The following ARHGEF28 variants were observed in gnomAD, a reference collection of about 807,000 sequenced individuals.
ARHGEF28 encodes the protein Rho guanine nucleotide exchange factor 28.
Under a neutral mutation model 206.6 loss-of-function variants are expected in ARHGEF28, and 152 were observed. The ratio of observed to expected loss-of-function variants is 0.74; its 90% confidence interval spans 0.64 to 0.84. ARHGEF28 has a LOEUF of 0.84. Among genes scored for constraint, ARHGEF28 ranks in the 40% least tolerant of loss-of-function variants. The pLI, the probability that ARHGEF28 is intolerant of heterozygous loss-of-function variation, is 0.00. For missense variants in ARHGEF28, 2,028 were observed against 2,073.2 expected, an observed-to-expected ratio of 0.98 and a Z score of 0.42; for synonymous variants, 763 against 776.4, an observed-to-expected ratio of 0.98 and a Z score of 0.29.
At chr5:73,664,040 C>T (rs931299904) in intron 1 of ARHGEF28, among the ~76,000 whole-genome samples, 3 of 152,186 alleles carry the variant, frequency 2.0e-5, no homozygotes, top group Admixed American at 6.5e-5. Context: ...GTCCTTTTCC[C>T]AGTGCAGGCT....
intron 9 of ARHGEF28, among the ~76,000 whole-genome samples, chr5:73,812,867 T>C (rs1561422075): frequency 6.6e-6 from 1 of 152,126 alleles, no homozygotes; most frequent in Non-Finnish European, 1.5e-5. Context: ...TCTAATGAAA[T>C]GAGTACAATC....
At chr5:73,655,879 G>A (rs1456851247) in intron 1 of ARHGEF28, among the ~76,000 whole-genome samples, 1 of 152,194 alleles carries the variant, frequency 6.6e-6, no homozygotes, top group South Asian at 2.1e-4. Context: ...TAAAAGGGAA[G>A]AGTTTGGGGG....
intron 1 of ARHGEF28, among the ~76,000 whole-genome samples, chr5:73,634,130 C>T (rs1743547753): frequency 6.6e-6 from 1 of 152,014 alleles, no homozygotes; most frequent in Admixed American, 6.6e-5. Context: ...CTCAAGGTAT[C>T]CATAGGTTTG....
chr5:73,671,694 TTATATATATATATATATATATATATA>T (rs1182569252), intron 1 of ARHGEF28, among the ~76,000 whole-genome samples: 2,426 of 75,904 alleles, frequency 0.032, 93 homozygotes, highest in East Asian at 0.054. Context: ...TTGAACTTGA[TTATATATATATATATATATATATATA>T]TATATATATA....
intron 1 of ARHGEF28, among the ~76,000 whole-genome samples, chr5:73,658,955 A>G (rs1461825796): frequency 1.6e-5 from 2 of 128,960 alleles, no homozygotes; most frequent in Non-Finnish European, 3.2e-5. Flanking sequence ...TCTGTGATGC[A>G]TGCAGGTACA....
At chr5:73,630,226 T>A (rs1743277572) in intron 1 of ARHGEF28, among the ~76,000 whole-genome samples, 1 of 152,246 alleles carries the variant, frequency 6.6e-6, no homozygotes, top group Non-Finnish European at 1.5e-5. Context: ...TATCAAACAC[T>A]AGTGACCATG....
intron 35 of ARHGEF28, among the ~76,000 whole-genome samples, chr5:73,933,199 C>T (rs1466336653): frequency 1.3e-5 from 2 of 152,048 alleles, no homozygotes; most frequent in South Asian, 2.1e-4. Context: ...TCCAAGAAAA[C>T]GTTAACTCAT....
At chr5:73,729,056 G>A (rs16870747) in intron 2 of ARHGEF28, among the ~76,000 whole-genome samples, 37,391 of 152,092 alleles carry the variant, frequency 0.25, 5,068 homozygotes, top group African/African-American at 0.34. Context: ...GCAATTCTTG[G>A]CTTCAAGGGA....
chr5:73,627,555 C>T (rs1024242075), intron 1 of ARHGEF28, among the ~76,000 whole-genome samples: 2 of 152,206 alleles, frequency 1.3e-5, no homozygotes, highest in East Asian at 3.8e-4. Flanking sequence ...TTTTTAGTTA[C>T]ACATTCCTAA....
In ARHGEF28 at chr5:73,749,841, A is replaced by G. The variant is rs1440711461; in HGVS notation, c.38A>G (p.Gln13Arg). 11 of 1,613,960 alleles carry G rather than the reference A, an allele frequency of 6.8e-6. No homozygotes were observed. In the East Asian group the frequency reaches 2.2e-4, roughly 33 times the overall value. Residue 13 changes from glutamine to arginine, a missense_variant, in exon 3 of 36, where the codon CAG becomes CGG. This residue lies in a region of ARHGEF28 where 1,002 missense variants were observed against 1,015.3 expected (regional missense o/e 0.99). Coordinates refer to ENST00000513042, the MANE Select transcript of ARHGEF28 (RefSeq NM_001177693.2). ...CCCGACTTATTCCTTTTTCAGGGGC[A>G]GATGATGATCTATGCGAAGTTTGAC... ...LSCSEAPLYG[Q>R]MMIYAKFDKN... is the part of the protein sequence containing the mutation.
At chr5:73,795,642 A>G in intron 9 of ARHGEF28, 1 of 388,492 alleles carries the variant, frequency 2.6e-6, no homozygotes, top group East Asian at 4.4e-5. Flanking sequence ...TCTGAGCCAG[A>G]AGCTGGCTCT....
chr5:73,704,363 C>T (rs1748800455), intron 2 of ARHGEF28, among the ~76,000 whole-genome samples: 1 of 152,140 alleles, frequency 6.6e-6, no homozygotes, highest in Admixed American at 6.5e-5. Context: ...CAAACATGAC[C>T]AGTGCAGAGG....
At chr5:73,659,493 C>T (rs1182293193) in intron 1 of ARHGEF28, among the ~76,000 whole-genome samples, 1 of 151,028 alleles carries the variant, frequency 6.6e-6, no homozygotes, top group Non-Finnish European at 1.5e-5. Context: ...TCGGCCACTG[C>T]ACTCCAGCCT....
At chr5:73,794,520 G>A in intron 8 of ARHGEF28, 66 bp downstream of exon 8, 1 of 1,320,464 alleles carries the variant, frequency 7.6e-7, no homozygotes, top group East Asian at 2.5e-5. Context: ...AAGATTTAGT[G>A]GTAATAAAAA....
chr5:73,629,071 T>C (rs1743194206), intron 1 of ARHGEF28, among the ~76,000 whole-genome samples: 1 of 152,230 alleles, frequency 6.6e-6, no homozygotes, highest in Non-Finnish European at 1.5e-5. Context: ...TCTTACTATG[T>C]GCCCAGCACT....
chr5:73,793,652 G>T (rs527728611), intron 7 of ARHGEF28, among the ~76,000 whole-genome samples: 84 of 152,190 alleles, frequency 5.5e-4, no homozygotes, highest in Non-Finnish European at 1.1e-3. Context: ...CCTTGCTAGG[G>T]ATATCGAGTG....
At chr5:73,859,736 T>C (rs1487922973) in intron 16 of ARHGEF28, among the ~76,000 whole-genome samples, 1 of 152,184 alleles carries the variant, frequency 6.6e-6, no homozygotes, top group African/African-American at 2.4e-5. Flanking sequence ...GTCAGTTCAT[T>C]CGTGTGATGG....
In ARHGEF28 at chr5:73,865,984, A is replaced by T. The variant is rs748068377; in HGVS notation, c.2123A>T (p.Asn708Ile). Residue 708 changes from asparagine to isoleucine, a missense_variant, in exon 18 of 36, where the codon AAC (asparagine) becomes ATC (isoleucine). By Grantham distance (149) the Asn-to-Ile change is moderately radical. Coordinates refer to ENST00000513042, the MANE Select transcript of ARHGEF28 (RefSeq NM_001177693.2). ...TACCAGAAATTCCAAGAGAAATATAACAAGAACAAACCACAGACCATCCTT... is the reference window on the plus strand; with the variant it reads ...TACCAGAAATTCCAAGAGAAATATATCAAGAACAAACCACAGACCATCCTT... ...ACTKKFQEKY[N>I]KNKPQTILGN... The T allele has an allele frequency of 6.2e-7, 1 of 1,603,554 alleles. No homozygotes were observed. Among genetic ancestry groups the T allele is most frequent in the South Asian group, 1.1e-5 (1 of 89,552 alleles).
intron 1 of ARHGEF28, among the ~76,000 whole-genome samples, chr5:73,643,613 G>A (rs1033625862): frequency 9.9e-5 from 15 of 151,950 alleles, no homozygotes; most frequent in African/African-American, 3.6e-4. Flanking sequence ...ACAGGAGTTC[G>A]AGACCAGCTT....
Sources: allele counts gnomAD v4.1 joint callset (sites outside exome capture counted in the v4.1 genomes callset), GRCh38; gene constraint gnomAD v4.1.1; regional missense constraint gnomAD v4.1.1; transcripts MANE v1.5; gene names NCBI Gene and HGNC (gene_info 2026-07-23, HGNC 2026-07-21).